Variants in FCHSD2 observed in about 807,000 individuals in gnomAD.
The protein encoded by FCHSD2 is FCH and double SH3 domains 2, also known as F-BAR and double SH3 domains protein 2.
In FCHSD2, 38 loss-of-function variants were observed where a neutral mutation model predicts 108.1. That is an observed-to-expected ratio of 0.35 (90% CI 0.27 to 0.46). The LOEUF is 0.46. FCHSD2 is among the 20% of genes least tolerant of loss of function. The pLI, the probability that FCHSD2 is intolerant of heterozygous loss-of-function variation, is 1.00. For synonymous variants in FCHSD2, 279 were observed against 314.7 expected (o/e 0.89, Z 1.20); for missense variants, 751 against 897.8 (o/e 0.84, Z 2.09).
intron 8 of FCHSD2, among the ~76,000 whole-genome samples, chr11:72,954,159 G>A (rs1856667606): frequency 1.3e-5 from 2 of 150,850 alleles, no homozygotes; most frequent in African/African-American, 4.9e-5. Flanking sequence ...TAATAATGGT[G>A]GCTTAGATTA....
chr11:72,941,883 T>A (rs1856427041), intron 8 of FCHSD2, among the ~76,000 whole-genome samples: 1 of 152,130 alleles, frequency 6.6e-6, no homozygotes, highest in Non-Finnish European at 1.5e-5. Flanking sequence ...GTATTAAGAT[T>A]GTAAAAAAGA....
intron 7 of FCHSD2, among the ~76,000 whole-genome samples, 167 bp downstream of exon 7, chr11:72,984,895 G>A (rs1857282613): frequency 6.6e-6 from 1 of 152,212 alleles, no homozygotes; most frequent in Non-Finnish European, 1.5e-5. Context: ...GTTGACAGCT[G>A]GGTGCAAAAC....
intron 13 of FCHSD2, among the ~76,000 whole-genome samples, chr11:72,851,373 T>C (rs928182613): frequency 1.6e-4 from 24 of 152,218 alleles, no homozygotes; most frequent in African/African-American, 5.5e-4. Context: ...ACACAATCTA[T>C]ATGTCCATCA....
intron 2 of FCHSD2, among the ~76,000 whole-genome samples, chr11:73,115,186 TG>T (rs1385683731): frequency 6.6e-6 from 1 of 152,234 alleles, no homozygotes; most frequent in Non-Finnish European, 1.5e-5. Flanking sequence ...AGCCCAGTTT[TG>T]CTTTCCCCTT....
At chr11:72,920,595 C>T (rs1479755917) in intron 9 of FCHSD2, among the ~76,000 whole-genome samples, 1 of 152,070 alleles carries the variant, frequency 6.6e-6, no homozygotes, top group Non-Finnish European at 1.5e-5. Context: ...ACAACAACAA[C>T]AACAAAATTG....
intron 12 of FCHSD2, among the ~76,000 whole-genome samples, chr11:72,884,482 T>C (rs1015147919): frequency 1.3e-5 from 2 of 149,718 alleles, no homozygotes; most frequent in African/African-American, 2.4e-5. Flanking sequence ...GAAATATATA[T>C]ATATCTGTGT....
chr11:73,030,935 T>C (rs1446121783), intron 3 of FCHSD2, among the ~76,000 whole-genome samples: 2 of 152,086 alleles, frequency 1.3e-5, no homozygotes, highest in Non-Finnish European at 2.9e-5. Flanking sequence ...CCTGAATTTC[T>C]GCTATTTTTT....
intron 3 of FCHSD2, among the ~76,000 whole-genome samples, chr11:73,029,221 A>C (rs902264860): frequency 6.6e-6 from 1 of 152,208 alleles, no homozygotes; most frequent in Non-Finnish European, 1.5e-5. Flanking sequence ...CTTTGGGGGA[A>C]AACAAAAGAT....
chr11:72,939,644 T>C (rs946523486), intron 8 of FCHSD2, among the ~76,000 whole-genome samples: 2 of 123,350 alleles, frequency 1.6e-5, no homozygotes, highest in African/African-American at 6.2e-5. Context: ...TTTGAGACAG[T>C]GTCTCGCCCT....
At chr11:73,138,452 C>T (rs941471385) in intron 2 of FCHSD2, among the ~76,000 whole-genome samples, 3 of 152,146 alleles carry the variant, frequency 2.0e-5, no homozygotes, top group African/African-American at 7.2e-5. Flanking sequence ...ATACCCCACA[C>T]GGGATCTTCA....
intron 2 of FCHSD2, among the ~76,000 whole-genome samples, chr11:73,096,836 A>C (rs1053951927): frequency 1.3e-5 from 2 of 151,702 alleles, no homozygotes; most frequent in African/African-American, 2.4e-5. Context: ...CAAAACAAAA[A>C]AAAAAAAGGA....
chr11:72,872,346 G>C (rs1854879665), intron 12 of FCHSD2, among the ~76,000 whole-genome samples: 1 of 144,326 alleles, frequency 6.9e-6, no homozygotes, highest in African/African-American at 2.6e-5. Flanking sequence ...AAATTCAGTG[G>C]CTTACAGTAT....
chr11:72,981,188 G>C (rs1027514045), intron 8 of FCHSD2, among the ~76,000 whole-genome samples: 6 of 152,004 alleles, frequency 3.9e-5, no homozygotes, highest in Non-Finnish European at 8.8e-5. Context: ...CATTTTTAAG[G>C]GGCAGGAGGG....
At chr11:72,970,806 T>C (rs933207008) in intron 8 of FCHSD2, among the ~76,000 whole-genome samples, 1 of 152,182 alleles carries the variant, frequency 6.6e-6, no homozygotes, top group Admixed American at 6.5e-5. Context: ...ATTTTGGGGT[T>C]AGGTATACAA....
At chr11:72,877,360 T>C (rs1854991961) in intron 12 of FCHSD2, among the ~76,000 whole-genome samples, 1 of 152,174 alleles carries the variant, frequency 6.6e-6, no homozygotes, top group Non-Finnish European at 1.5e-5. Flanking sequence ...TAAATTCTGG[T>C]TGTGCTGCTC....
intron 9 of FCHSD2, among the ~76,000 whole-genome samples, chr11:72,913,930 G>T (rs950562878): frequency 2.6e-5 from 4 of 151,374 alleles, no homozygotes; most frequent in Non-Finnish European, 5.9e-5. Context: ...AATTAGAGAT[G>T]ATACAAACAA....
chr11:73,111,804 C>A (rs1017540641), intron 2 of FCHSD2, among the ~76,000 whole-genome samples: 1 of 152,004 alleles, frequency 6.6e-6, no homozygotes, highest in African/African-American at 2.4e-5. Flanking sequence ...GCAAATACTA[C>A]CATAAAACCC....
chr11:72,959,220 CTTTTTTTTTT>C (rs11408216), intron 8 of FCHSD2, among the ~76,000 whole-genome samples: 17 of 56,326 alleles, frequency 3.0e-4, no homozygotes, highest in Admixed American at 1.0e-3. Context: ...ATCCAGCAGT[CTTTTTTTTTT>C]TTTTTTTTTT....
chr11:73,009,909 G>T (rs1857825196), intron 4 of FCHSD2, among the ~76,000 whole-genome samples: 1 of 152,054 alleles, frequency 6.6e-6, no homozygotes, highest in African/African-American at 2.4e-5. Context: ...CTGCCTGGGG[G>T]GGTCTCAGAG....
Sources: allele counts gnomAD v4.1 joint callset (sites outside exome capture counted in the v4.1 genomes callset), GRCh38; gene constraint gnomAD v4.1.1; transcripts MANE v1.5; gene names NCBI Gene and HGNC (gene_info 2026-07-23, HGNC 2026-07-21).